CHD1: variants seen among roughly 807,000 people sequenced by gnomAD.
CHD1 encodes chromodomain helicase DNA binding protein 1.
Under a neutral mutation model 224.2 loss-of-function variants are expected in CHD1, and 36 were observed. The ratio of observed to expected loss-of-function variants is 0.16; its 90% CI spans 0.12 to 0.21. The LOEUF (loss-of-function observed/expected upper bound fraction) is 0.21. Ranked by LOEUF, CHD1 falls within the 10% of genes least tolerant of loss-of-function variation. The pLI is 1.00. For synonymous variants in CHD1, 668 were observed against 658.3 expected (o/e 1.01, Z -0.23); for missense variants, 1,378 against 1,994.8 (o/e 0.69, Z 5.89).
In CHD1 at chr5:98,876,506, C is replaced by G. The variant is rs371278722; in HGVS notation, c.3290G>C (p.Gly1097Ala). ...GRRSRSRRYS[G>A]SDSDSISEGK... Reference sequence around the variant, plus strand: ...TTCTGAGATGGAATCACTATCAGATCCAGAGTATCTCCTACTTCTACTGCG... The same window carrying G: ...TTCTGAGATGGAATCACTATCAGATGCAGAGTATCTCCTACTTCTACTGCG... Residue 1097 changes from glycine to alanine, a missense_variant, in exon 24 of 36, where the codon GGA (glycine) becomes GCA (alanine). Physicochemically the swap from Gly to Ala is moderately conservative, Grantham distance 60. Transcript: ENST00000614616. 5 of 1,613,570 alleles carry G rather than the reference C, an allele frequency of 3.1e-6. No homozygotes were observed. Among genetic ancestry groups the G allele is most frequent in the Non-Finnish European group, 8.5e-7 (1 of 1,179,650 alleles).
At chr5:98,912,217 A>C (rs1290816590) in intron 2 of CHD1, among the ~76,000 whole-genome samples, 1 of 152,202 alleles carries the variant, frequency 6.6e-6, no homozygotes, top group East Asian at 1.9e-4. Flanking sequence ...CACAGAAGTG[A>C]ACATAACAGG....
chr5:98,861,978 G>A (rs1407036937), intron 32 of CHD1, among the ~76,000 whole-genome samples: 3 of 152,134 alleles, frequency 2.0e-5, no homozygotes, highest in African/African-American at 7.2e-5. Flanking sequence ...CTGACATGGT[G>A]AAACCCCATC....
At chr5:98,910,519 G>A (rs972414488) in intron 2 of CHD1, among the ~76,000 whole-genome samples, 2 of 151,922 alleles carry the variant, frequency 1.3e-5, no homozygotes, top group Admixed American at 6.6e-5. Context: ...ATCCAACTTC[G>A]GAGCTACAGA....
rs1448300069 is a variant in CHD1 at position 98,858,445 on chromosome 5, AACTT to A, written c.4577-59_4577-56del. On this transcript the variant is annotated intron_variant, in intron 34 of 35. Transcript: ENST00000614616. Reference sequence around the variant, plus strand: ...ACCTTAAAAATAATGTGGCAAAAAAAACTTAGTTGATAGATAACAAGAATTCGTT... The same window carrying A: ...ACCTTAAAAATAATGTGGCAAAAAAAAGTTGATAGATAACAAGAATTCGTT... The A allele has an allele frequency of 3.5e-6, 5 of 1,418,820 alleles. No homozygotes were observed. In the African/African-American group the frequency reaches 5.7e-5, roughly 16 times the overall value. The allele number at this position is 1,418,820 out of a possible 1,614,324, so 87.9% of individuals were successfully genotyped here.
chr5:98,897,132 A>C (rs943836418), intron 11 of CHD1, 61 bp downstream of exon 11: 4 of 1,487,228 alleles, frequency 2.7e-6, no homozygotes, highest in Middle Eastern at 3.5e-4. Context: ...ATCTTTTCTG[A>C]ATCCTGTATT....
Position 98,903,841 on chromosome 5 carries a change from T to A in CHD1, c.323A>T (p.Gln108Leu). ...RSAILKKQQQ[Q>L]QQQQQHQASS... Reference sequence around the variant, plus strand: ...GGCTTGATGTTGTTGTTGCTGCTGCTGCTGTTGCTGCTTCTTGAGGATTGC... The same window carrying A: ...GGCTTGATGTTGTTGTTGCTGCTGCAGCTGTTGCTGCTTCTTGAGGATTGC... Residue 108 changes from glutamine (Q) to leucine (L), a missense_variant, in exon 4 of 36, where the codon CAG (glutamine) becomes CTG (leucine). Transcript: ENST00000614616. 6.2e-7 allele frequency: 1 copy of A among 1,613,612 alleles called. No individual in the cohort carries two copies. The highest frequency in any genetic ancestry group is 8.5e-7 in the Non-Finnish European group (1 of 1,179,712).
rs1377298913 is a variant in CHD1, at chr5:98,860,074, A to T, written c.4428-6T>A. On this transcript the variant is annotated splice_region_variant and splice_polypyrimidine_tract_variant and intron_variant, in intron 32 of 35. Coordinates refer to ENST00000614616, the MANE Select transcript of CHD1 (RefSeq NM_001270.4). ...ATACAAAAATCCACAGGTTTCTAGA[A>T]GAATTTAAAAAAAGGCAAATTAAGT... is the stretch of plus-strand genomic sequence containing the variant. The T allele has an allele frequency of 5.4e-6, 8 of 1,485,678 alleles. No individual in the cohort carries two copies. The highest frequency in any genetic ancestry group is 3.8e-5 in the Admixed American group (2 of 53,086). The allele number at this position is 1,485,678 out of a possible 1,614,324, so 92.0% of individuals were successfully genotyped here.
intron 2 of CHD1, among the ~76,000 whole-genome samples, chr5:98,923,598 G>C (rs1483090775): frequency 2.6e-5 from 4 of 151,902 alleles, no homozygotes; most frequent in African/African-American, 9.7e-5. Flanking sequence ...ATTTTTGGTA[G>C]AGACAGGATT....
chr5:98,916,133 A>C (rs1752713476), intron 2 of CHD1, among the ~76,000 whole-genome samples: 1 of 151,698 alleles, frequency 6.6e-6, no homozygotes, highest in Non-Finnish European at 1.5e-5. Flanking sequence ...TGGAAGTTCC[A>C]GTGAGCCAAG....
chr5:98,869,847 C>G lies in CHD1; in HGVS notation c.4014G>C (p.Lys1338Asn). Reference sequence around the variant, plus strand: ...CTTTTATAGACTTCATTGCTTTATTCTTCTTAGCTCTTGCTTTTCTCCTCT... The same window carrying G: ...CTTTTATAGACTTCATTGCTTTATTGTTCTTAGCTCTTGCTTTTCTCCTCT... Reference protein sequence around the residue: ...SSKRRKARAKKNKAMKSIKVK... With the variant: ...SSKRRKARAKNNKAMKSIKVK... Residue 1338 changes from lysine (K) to asparagine (N), a missense_variant, in exon 30 of 36, where the codon AAG becomes AAC. Coordinates refer to ENST00000614616, the MANE Select transcript of CHD1 (RefSeq NM_001270.4). 1 of 1,606,662 alleles carries G rather than the reference C, an allele frequency of 6.2e-7. No individual in the cohort carries two copies. Among genetic ancestry groups the G allele is most frequent in the African/African-American group, 1.3e-5 (1 of 74,892 alleles).
chr5:98,878,202 A>G (rs1353634423), intron 23 of CHD1, among the ~76,000 whole-genome samples: 1 of 152,238 alleles, frequency 6.6e-6, no homozygotes, highest in Non-Finnish European at 1.5e-5. Context: ...GGTGCTCATG[A>G]GAAGGAAGAC....
At chr5:98,887,676 T>A (rs1226895838) in intron 17 of CHD1, among the ~76,000 whole-genome samples, 1 of 152,174 alleles carries the variant, frequency 6.6e-6, no homozygotes, top group Non-Finnish European at 1.5e-5. Context: ...CTGTGTCAGA[T>A]AACTATGAGC....
chr5:98,903,459 T>C (rs967861524), intron 4 of CHD1, among the ~76,000 whole-genome samples: 14 of 137,906 alleles, frequency 1.0e-4, no homozygotes, highest in South Asian at 7.0e-4. Flanking sequence ...TATGATTTAA[T>C]GATATAATAT....
Position 98,856,104 on chromosome 5 carries a change from G to A in CHD1, c.*276C>T, listed in dbSNP as rs1376673970. 4 of 248,852 alleles carry A rather than the reference G, an allele frequency of 1.6e-5. No homozygotes were observed. The highest frequency in any genetic ancestry group is 9.6e-5 in the Admixed American group (2 of 20,912). The allele number at this position is 248,852 out of a possible 1,614,324, so 15.4% of individuals were successfully genotyped here. A position where few individuals can be genotyped will look rare whatever the true frequency, so the allele number is the denominator to read the frequency against. On this transcript the variant is annotated 3_prime_UTR_variant, in exon 36 of 36. Coordinates refer to ENST00000614616, the MANE Select transcript of CHD1 (RefSeq NM_001270.4). ...TATCCAGCCTGTATGGGAGGGCAGT[G>A]TTGAGGTCCCTGTAATAGTAAACAT...
Position 98,892,729 on chromosome 5 carries a change from A to G in CHD1, c.1992-16T>C. 6.5e-7 allele frequency: 1 copy of G among 1,532,946 alleles called. No homozygotes were observed. The highest frequency in any genetic ancestry group is 8.9e-7 in the Non-Finnish European group (1 of 1,129,636). The allele number at this position is 1,532,946 out of a possible 1,614,324, so 95.0% of individuals were successfully genotyped here. On this transcript the variant is annotated splice_polypyrimidine_tract_variant and intron_variant, in intron 14 of 35. Coordinates refer to ENST00000614616, the MANE Select transcript of CHD1 (RefSeq NM_001270.4). Reference sequence around the variant, plus strand: ...GGAAGAAAACCTTTAAAATTTAAGAAATTGGAACAATTACTAGAAAAAATC... The same window carrying G: ...GGAAGAAAACCTTTAAAATTTAAGAGATTGGAACAATTACTAGAAAAAATC...
At chr5:98,879,449 C>T (rs1750006547) in intron 23 of CHD1, 103 bp downstream of exon 23, 2 of 984,126 alleles carry the variant, frequency 2.0e-6, no homozygotes, top group African/African-American at 1.7e-5. Flanking sequence ...AAGGCCATTA[C>T]AAGAAAAGAA....
chr5:98,870,640 C>A, intron 29 of CHD1, 47 bp downstream of exon 29: 1 of 1,084,808 alleles, frequency 9.2e-7, no homozygotes, highest in Non-Finnish European at 1.3e-6. Context: ...ACAAAATTTA[C>A]CTTACTAAAA....
chr5:98,902,265 C>T (rs979157127), intron 5 of CHD1, among the ~76,000 whole-genome samples: 3 of 151,846 alleles, frequency 2.0e-5, no homozygotes, highest in Non-Finnish European at 4.4e-5. Flanking sequence ...ATAGAACAGA[C>T]TAATAAAAGA....
At position 98,881,113 on chromosome 5, in the gene CHD1, G is replaced by GGAC; in HGVS notation, c.3020_3022dup (p.Gly1007_Pro1008insArg). ...AAGCAATTCATCTCCTACAGTTAAA[G>GGAC]GACCTGGTTCATTTTCATGAGTTTC... On this transcript the variant is annotated inframe_insertion, in exon 22 of 36. Coordinates refer to ENST00000614616, the MANE Select transcript of CHD1 (RefSeq NM_001270.4). The GGAC allele has an allele frequency of 6.2e-7, 1 of 1,611,216 alleles. No individual in the cohort carries two copies. The highest frequency in any genetic ancestry group is 8.5e-7 in the Non-Finnish European group (1 of 1,178,534).
Sources: allele counts gnomAD v4.1 joint callset (sites outside exome capture counted in the v4.1 genomes callset), GRCh38; gene constraint gnomAD v4.1.1; transcripts MANE v1.5; gene names NCBI Gene and HGNC (gene_info 2026-07-23, HGNC 2026-07-21).